The following CNOT1 variants were observed in gnomAD, a reference collection of about 807,000 sequenced individuals.
CNOT1 encodes CCR4-associated factor 1.
A neutral mutation model predicts 273.8 loss-of-function variants in CNOT1; 15 were observed. The observed-to-expected ratio is 0.05, with a 90% confidence interval of 0.04 to 0.08. The LOEUF is 0.08. CNOT1 is among the 10% of genes least tolerant of loss of function. The pLI is 1.00. For missense variants in CNOT1, 1,644 were observed against 2,912.2 expected, an observed-to-expected ratio of 0.56 and a Z score of 10.02; for synonymous variants, 1,022 against 1,005.5, an observed-to-expected ratio of 1.02 and a Z score of -0.31.
chr16:58,625,729 T>C (rs1370791903), intron 1 of CNOT1, among the ~76,000 whole-genome samples: 1 of 151,468 alleles, frequency 6.6e-6, no homozygotes, highest in African/African-American at 2.4e-5. Flanking sequence ...GTGGTTAGCA[T>C]GCACCTGTAG....
At chr16:58,572,817 AG>A (rs1006355793) in intron 16 of CNOT1, among the ~76,000 whole-genome samples, 1 of 151,594 alleles carries the variant, frequency 6.6e-6, no homozygotes, top group Non-Finnish European at 1.5e-5. Context: ...CTGAAGCAGG[AG>A]AATCACTTGA....
chr16:58,568,581 G>A (rs1460160009), intron 16 of CNOT1, among the ~76,000 whole-genome samples: 1 of 151,834 alleles, frequency 6.6e-6, no homozygotes, highest in African/African-American at 2.4e-5. Flanking sequence ...CTACTCAGCT[G>A]AGGCAGGAGA....
At chr16:58,582,963 G>A (rs759469347) in intron 9 of CNOT1, 60 bp from the exon 10 acceptor site, 5 of 1,610,564 alleles carry the variant, frequency 3.1e-6, no homozygotes, top group East Asian at 4.5e-5. Context: ...ACTTCTGGTC[G>A]ATAGAACAAT....
intron 25 of CNOT1, chr16:58,548,538 C>T (rs763934827): frequency 1.9e-6 from 1 of 519,140 alleles, no homozygotes; most frequent in South Asian, 1.4e-5. Context: ...CAGAATGGCA[C>T]AAGTCAGCTG....
chr16:58,559,962 T>G (rs940153315), intron 17 of CNOT1: 4 of 1,088,554 alleles, frequency 3.7e-6, no homozygotes, highest in Non-Finnish European at 5.3e-6. Flanking sequence ...ATTCATATTT[T>G]AAAAAGAAAC....
At chr16:58,532,682 C>T in intron 40 of CNOT1, 1 of 366,266 alleles carries the variant, frequency 2.7e-6, no homozygotes, top group Non-Finnish European at 5.0e-6. Flanking sequence ...AGCAAGGCCC[C>T]TCACATTTCA....
intron 1 of CNOT1, among the ~76,000 whole-genome samples, chr16:58,621,191 G>C (rs115207926): frequency 6.6e-6 from 1 of 151,908 alleles, no homozygotes; most frequent in Non-Finnish European, 1.5e-5. Flanking sequence ...GAAACTCCTC[G>C]GCTTAAGTGA....
rs188795762 is a variant in CNOT1, at chr16:58,591,484, A to G, written c.103-2578T>C. 3.0e-3 allele frequency among the ~76,000 whole-genome samples: 451 copies of G among 152,250 alleles called. 1 individual carries two copies. The highest frequency in any genetic ancestry group is 0.01 in the African/African-American group (420 of 41,566). On this transcript the variant is annotated intron_variant, in intron 2 of 48. Transcript: ENST00000317147. ...AAATTTAACTATGCGCCGGACTCGG[A>G]GGCTCATGCCTGTAATCCCAGCAGT...
rs905450251 is a variant in CNOT1 at position 58,525,651 on chromosome 16, TGTA to T, written c.6604-295_6604-293del. Among the ~76,000 whole-genome samples, 4 of 152,224 alleles carry T rather than the reference TGTA, an allele frequency of 2.6e-5. 1 individual carries two copies. The highest frequency in any genetic ancestry group is 2.6e-4 in the Admixed American group (4 of 15,282). ...CCAATTAAAGATTTGGAGAGAAAGT[TGTA>T]GTTGCATGGCATATACAGACTGTAA... On this transcript the variant is annotated intron_variant, in intron 45 of 48. Coordinates refer to ENST00000317147, the MANE Select transcript of CNOT1 (RefSeq NM_016284.5).
At chr16:58,540,666 G>A (rs997774954) in intron 34 of CNOT1, among the ~76,000 whole-genome samples, 6 of 152,152 alleles carry the variant, frequency 3.9e-5, no homozygotes, top group Admixed American at 1.3e-4. Context: ...GAATTAGATG[G>A]AGTAAGGTTA....
At position 58,547,547 on chromosome 16, in the gene CNOT1, A is replaced by G. The variant is rs769255721; in HGVS notation, c.3639+19T>C. The G allele has an allele frequency of 1.9e-6, 3 of 1,593,490 alleles. No homozygotes were observed. The stretch of plus-strand genomic sequence containing the variant: ...TGTGCTGAAGATTCTCAATTTTTAC[A>G]CATTTAGATGAAACTCACAGTGTGT... On this transcript the variant is annotated intron_variant, in intron 26 of 48. Coordinates refer to ENST00000317147, the MANE Select transcript of CNOT1 (RefSeq NM_016284.5). This position sits in a 1 kb window ranked among gnomAD's most constrained non-coding sequence, Gnocchi z 4.0.
chr16:58,575,958 G>C (rs1792268722), intron 14 of CNOT1, among the ~76,000 whole-genome samples: 1 of 152,060 alleles, frequency 6.6e-6, no homozygotes, highest in Admixed American at 6.6e-5. Flanking sequence ...ATATATGGAA[G>C]ACCAATCAAA....
intron 16 of CNOT1, among the ~76,000 whole-genome samples, chr16:58,566,421 A>T (rs969462286): frequency 1.3e-5 from 2 of 152,262 alleles, no homozygotes; most frequent in East Asian, 3.8e-4. Context: ...AAATTAATTG[A>T]AACCTGGAAG....
chr16:58,525,446 T>A, intron 45 of CNOT1, 87 bp from the exon 46 acceptor site: 1 of 1,160,532 alleles, frequency 8.6e-7, no homozygotes, highest in Admixed American at 2.3e-5. Context: ...TTCTTACACC[T>A]TCATGGAAAG....
At chr16:58,562,495 C>T (rs1199128124) in intron 16 of CNOT1, among the ~76,000 whole-genome samples, 2 of 149,766 alleles carry the variant, frequency 1.3e-5, no homozygotes, top group African/African-American at 4.9e-5. Flanking sequence ...AAGAACAAGA[C>T]CCTGTCTCTA....
chr16:58,549,879 G>T lies in CNOT1; in HGVS notation c.3362C>A (p.Thr1121Lys). 6.2e-7 allele frequency: 1 copy of T among 1,613,812 alleles called. No individual in the cohort carries two copies. Among genetic ancestry groups the T allele is most frequent in the Non-Finnish European group, 8.5e-7 (1 of 1,179,936 alleles). The change falls in exon 25 of 49, where the codon ACG becomes AAG. Residue 1121 changes from threonine (T) to lysine (K), a missense_variant. By Grantham distance (78) the Thr-to-Lys change is moderately conservative (BLOSUM62 -1). Around this residue, in one of 13 missense-constraint regions of CNOT1, gnomAD observed 124 missense variants for 289.3 expected, o/e 0.43. Coordinates refer to ENST00000317147, the MANE Select transcript of CNOT1 (RefSeq NM_016284.5). The stretch of plus-strand genomic sequence containing the variant: ...CCAAGGCATAAATTCTTCTTTCACC[G>T]TTTCCTTTAGCTCTTCAACCTAGCC... ...MTQKVEELKE[T>K]VKEEFMPWVS...
intron 1 of CNOT1, among the ~76,000 whole-genome samples, chr16:58,627,305 C>T (rs1272904446): frequency 1.4e-5 from 2 of 143,702 alleles, no homozygotes; most frequent in East Asian, 4.1e-4. Context: ...ACTCGAGGGG[C>T]TGAGGCAGAA....
intron 44 of CNOT1, chr16:58,528,272 T>C: frequency 3.3e-6 from 2 of 612,086 alleles, no homozygotes; most frequent in East Asian, 5.6e-5. Context: ...AGAAAAATGC[T>C]GTGAACCAAT....
chr16:58,549,311 A>AG (rs1220202266), intron 25 of CNOT1, among the ~76,000 whole-genome samples: 17 of 137,266 alleles, frequency 1.2e-4, no homozygotes, highest in Middle Eastern at 4.0e-3. Context: ...AAAAAAAAAA[A>AG]GGGGGCTACA....
Sources: allele counts gnomAD v4.1 joint callset (sites outside exome capture counted in the v4.1 genomes callset), GRCh38; gene constraint gnomAD v4.1.1; regional missense constraint gnomAD v4.1.1; non-coding constraint Gnocchi (gnomAD v3.1); transcripts MANE v1.5; gene names NCBI Gene and HGNC (gene_info 2026-07-23, HGNC 2026-07-21).